PID1: variants seen among roughly 807,000 people sequenced by gnomAD.
PID1 encodes the protein phosphotyrosine interaction domain containing 1.
In PID1, 10 loss-of-function variants were observed where a neutral mutation model predicts 19.1. The ratio of observed to expected loss-of-function variants is 0.52; its 90% CI spans 0.32 to 0.89. The LOEUF (loss-of-function observed/expected upper bound fraction) is 0.89, where lower values mean the gene tolerates loss of function less well. Ranked by LOEUF, PID1 falls within the 40% of genes least tolerant of loss-of-function variation. The probability of loss-of-function intolerance (pLI) is 0.03; values close to 1 mark genes in which losing one functional copy is unlikely to be tolerated. For synonymous variants in PID1, 130 were observed against 116.0 expected, an observed-to-expected ratio of 1.12 and a Z score of -0.78; for missense variants, 248 against 285.3, an observed-to-expected ratio of 0.87 and a Z score of 0.94.
intron 2 of PID1, among the ~76,000 whole-genome samples, chr2:229,090,018 A>T (rs547986879): frequency 5.3e-5 from 8 of 152,254 alleles, no homozygotes; most frequent in African/African-American, 1.9e-4. Context: ...TAAGAAACAT[A>T]CGTGAACAGT....
At chr2:229,218,023 T>C (rs1365002180) in intron 1 of PID1, among the ~76,000 whole-genome samples, 1 of 152,120 alleles carries the variant, frequency 6.6e-6, no homozygotes, top group African/African-American at 2.4e-5. Flanking sequence ...GACAACTGAG[T>C]GTTTCCTCGG....
intron 1 of PID1, among the ~76,000 whole-genome samples, chr2:229,179,326 C>G (rs1031775803): frequency 1.3e-5 from 2 of 152,158 alleles, no homozygotes; most frequent in Non-Finnish European, 2.9e-5. Context: ...GAAAACAGAG[C>G]CCTTCCATGT....
intron 2 of PID1, among the ~76,000 whole-genome samples, chr2:229,139,698 G>A (rs779704338): frequency 1.3e-4 from 20 of 152,216 alleles, no homozygotes; most frequent in Middle Eastern, 3.4e-3. Flanking sequence ...ATCTCAGACC[G>A]TGGCCAAAGC....
At chr2:229,205,191 TAC>T (rs1037546550) in intron 1 of PID1, among the ~76,000 whole-genome samples, 5 of 151,984 alleles carry the variant, frequency 3.3e-5, no homozygotes, top group African/African-American at 1.2e-4. Context: ...ACAGCCAACC[TAC>T]ACAGACACAT....
intron 2 of PID1, among the ~76,000 whole-genome samples, chr2:229,101,017 CAG>C (rs1238761504): frequency 6.6e-6 from 1 of 152,190 alleles, no homozygotes; most frequent in Non-Finnish European, 1.5e-5. Context: ...ACCCAAGAGA[CAG>C]TGTGTGTTTT....
At chr2:229,109,257 C>A (rs1448100676) in intron 2 of PID1, among the ~76,000 whole-genome samples, 1 of 152,032 alleles carries the variant, frequency 6.6e-6, no homozygotes, top group Non-Finnish European at 1.5e-5. Context: ...TATTAAGAGC[C>A]TTTTGGGTTA....
At chr2:229,132,755 T>C (rs1370039035) in intron 2 of PID1, among the ~76,000 whole-genome samples, 1 of 152,204 alleles carries the variant, frequency 6.6e-6, no homozygotes, top group African/African-American at 2.4e-5. Context: ...CAATTCAATA[T>C]GTAATTCCAA....
Position 229,265,518 on chromosome 2 carries a change from A to G in PID1, c.30+5496T>C, listed in dbSNP as rs1047337701. On this transcript the variant is annotated intron_variant, in intron 1 of 2. Coordinates refer to ENST00000392055, the MANE Select transcript of PID1 (RefSeq NM_001100818.2). The stretch of plus-strand genomic sequence containing the variant: ...TTTTTTTTTAAGTGAACACAAAATG[A>G]CAGTAGACTAATTCCACTAGACTTT... 7.2e-5 allele frequency among the ~76,000 whole-genome samples: 11 copies of G among 152,286 alleles called. No individual in the cohort carries two copies. In the South Asian group the frequency reaches 1.0e-3, roughly 14 times the overall value.
At chr2:229,102,097 G>A (rs1006168867) in intron 2 of PID1, among the ~76,000 whole-genome samples, 1 of 151,966 alleles carries the variant, frequency 6.6e-6, no homozygotes, top group South Asian at 2.1e-4. Flanking sequence ...GGAAGCAGGG[G>A]GCCAGGCAAG....
intron 2 of PID1, among the ~76,000 whole-genome samples, chr2:229,089,874 T>C (rs1421158769): frequency 6.6e-6 from 1 of 152,130 alleles, no homozygotes; most frequent in Non-Finnish European, 1.5e-5. Flanking sequence ...CCATAGTAGA[T>C]AAATGAGGCC....
At chr2:229,218,728 G>A (rs1691902058) in intron 1 of PID1, among the ~76,000 whole-genome samples, 1 of 152,156 alleles carries the variant, frequency 6.6e-6, no homozygotes, top group Non-Finnish European at 1.5e-5. Flanking sequence ...GGAGTGGACT[G>A]ATGGACAAAG....
intron 1 of PID1, among the ~76,000 whole-genome samples, chr2:229,218,501 C>T (rs554598532): frequency 1.3e-5 from 2 of 152,214 alleles, no homozygotes; most frequent in South Asian, 2.1e-4. Flanking sequence ...TTGCCAGCAA[C>T]AGCACAAGGC....
At chr2:229,104,921 G>T (rs1320377239) in intron 2 of PID1, among the ~76,000 whole-genome samples, 1 of 152,166 alleles carries the variant, frequency 6.6e-6, no homozygotes, top group Non-Finnish European at 1.5e-5. Context: ...CTCTTTATAG[G>T]CCTGAATTTC....
At chr2:229,260,967 C>T (rs978817822) in intron 1 of PID1, among the ~76,000 whole-genome samples, 5 of 151,918 alleles carry the variant, frequency 3.3e-5, no homozygotes, top group African/African-American at 9.7e-5. Flanking sequence ...CGTAGTACCT[C>T]GACATGTGAC....
chr2:229,258,163 A>T (rs1408381582), intron 1 of PID1, among the ~76,000 whole-genome samples: 1 of 152,214 alleles, frequency 6.6e-6, no homozygotes, highest in Non-Finnish European at 1.5e-5. Flanking sequence ...GAACACCAAC[A>T]TGCTAGAAAC....
chr2:229,161,863 T>G (rs1690498496), intron 1 of PID1, among the ~76,000 whole-genome samples: 1 of 152,224 alleles, frequency 6.6e-6, no homozygotes, highest in Admixed American at 6.5e-5. Flanking sequence ...GGTCCTGTTT[T>G]CTCATCTGTC....
At chr2:229,189,809 C>T (rs1450997452) in intron 1 of PID1, among the ~76,000 whole-genome samples, 1 of 152,216 alleles carries the variant, frequency 6.6e-6, no homozygotes, top group African/African-American at 2.4e-5. Flanking sequence ...CTGGACTTAG[C>T]TTACCAGTGT....
intron 2 of PID1, among the ~76,000 whole-genome samples, chr2:229,075,215 A>T (rs535831373): frequency 1.3e-5 from 2 of 152,338 alleles, no homozygotes; most frequent in African/African-American, 4.8e-5. Context: ...AAAAGGTCAA[A>T]ATTCAAAATT....
chr2:229,217,592 A>G (rs1411840620), intron 1 of PID1, among the ~76,000 whole-genome samples: 1 of 152,208 alleles, frequency 6.6e-6, no homozygotes, highest in Non-Finnish European at 1.5e-5. Context: ...GGAGAAGGTC[A>G]GTGTATAATT....
Sources: allele counts gnomAD v4.1 joint callset (sites outside exome capture counted in the v4.1 genomes callset), GRCh38; gene constraint gnomAD v4.1.1; transcripts MANE v1.5; gene names NCBI Gene and HGNC (gene_info 2026-07-23, HGNC 2026-07-21).